LARGE1: variants seen among roughly 807,000 people sequenced by gnomAD.
The protein encoded by LARGE1 is LARGE xylosyl- and glucuronyltransferase 1.
In LARGE1, 43 loss-of-function variants were observed where a neutral mutation model predicts 87.6. The observed-to-expected ratio is 0.49, with a 90% CI of 0.38 to 0.63. LARGE1 has a LOEUF of 0.63. Ranked by LOEUF, LARGE1 falls within the 30% of genes least tolerant of loss-of-function variation. The pLI, the probability that LARGE1 is intolerant of heterozygous loss-of-function variation, is 0.00. For missense variants in LARGE1, 802 were observed against 1,000.2 expected (o/e 0.80, Z 2.67); for synonymous variants, 434 against 394.6 (o/e 1.10, Z -1.18).
chr22:33,540,365 T>C (rs1411999079), intron 6 of LARGE1, among the ~76,000 whole-genome samples: 2 of 152,160 alleles, frequency 1.3e-5, no homozygotes, highest in Non-Finnish European at 2.9e-5. Context: ...CTCGGCTGTG[T>C]GTGCTTGATC....
chr22:33,276,646 T>C (rs1331524677), intron 14 of LARGE1, among the ~76,000 whole-genome samples: 2 of 152,258 alleles, frequency 1.3e-5, no homozygotes, highest in Non-Finnish European at 2.9e-5. Flanking sequence ...ATGCATCTAT[T>C]AATCTTTTAG....
rs571639317 is a variant in LARGE1 at position 33,808,202 on chromosome 22, A to G, written c.-82-46644T>C. 5.3e-5 allele frequency among the ~76,000 whole-genome samples: 8 copies of G among 152,332 alleles called. No homozygotes were observed. In the South Asian group the frequency reaches 1.7e-3, roughly 32 times the overall value. ...GTTCCAGGTTTTGGCCATTCTAATA[A>G]GTGTGTAGCAGTACGTCACTGTTGT... On this transcript the variant is annotated intron_variant, in intron 1 of 14. Transcript: ENST00000397394.
At chr22:33,754,816 A>C (rs1420024033) in intron 2 of LARGE1, among the ~76,000 whole-genome samples, 1 of 152,194 alleles carries the variant, frequency 6.6e-6, no homozygotes. Context: ...CATAGCCTAG[A>C]CTTGGGGGAT....
At chr22:33,387,559 A>C (rs1601664680) in intron 7 of LARGE1, among the ~76,000 whole-genome samples, 1 of 151,116 alleles carries the variant, frequency 6.6e-6, no homozygotes, top group East Asian at 2.0e-4. Context: ...AGAAACAATG[A>C]TGAAATATAT....
At chr22:33,464,873 GCA>G (rs902943771) in intron 6 of LARGE1, among the ~76,000 whole-genome samples, 2 of 116,250 alleles carry the variant, frequency 1.7e-5, no homozygotes, top group Non-Finnish European at 3.3e-5. Context: ...CACACACACT[GCA>G]CACACATGCA....
intron 6 of LARGE1, among the ~76,000 whole-genome samples, chr22:33,517,207 C>A (rs908482999): frequency 6.6e-6 from 1 of 152,080 alleles, no homozygotes; most frequent in African/African-American, 2.4e-5. Flanking sequence ...CTCTGGATTA[C>A]TAAGAGAAGC....
At chr22:33,180,258 T>C (rs1158828848) in intron 11 of LARGE1, among the ~76,000 whole-genome samples, 1 of 152,200 alleles carries the variant, frequency 6.6e-6, no homozygotes, top group Non-Finnish European at 1.5e-5. Flanking sequence ...ATTTGAATGG[T>C]ATAAATTTGA....
chr22:33,800,581 A>G (rs780086595), intron 1 of LARGE1, among the ~76,000 whole-genome samples: 7 of 152,112 alleles, frequency 4.6e-5, no homozygotes, highest in South Asian at 2.1e-4. Flanking sequence ...CCTGGCAACC[A>G]CTGATCTTTT....
chr22:33,130,519 G>C, the LARGE1 span, among the ~76,000 whole-genome samples: 1 of 151,676 alleles, frequency 6.6e-6, no homozygotes, highest in Non-Finnish European at 1.5e-5. Context: ...AAAATTCTAA[G>C]TCCACTTGCT....
intron 2 of LARGE1, among the ~76,000 whole-genome samples, chr22:33,716,566 T>G (rs1569399599): frequency 6.6e-6 from 1 of 152,086 alleles, no homozygotes; most frequent in African/African-American, 2.4e-5. Context: ...CCAGCTAACT[T>G]ACATTATTTT....
chr22:33,669,074 G>A (rs968989991), intron 2 of LARGE1, among the ~76,000 whole-genome samples: 1 of 152,346 alleles, frequency 6.6e-6, no homozygotes, highest in East Asian at 1.9e-4. Context: ...CAGCAGAGTG[G>A]AGAAAAGGCT....
intron 3 of LARGE1, among the ~76,000 whole-genome samples, chr22:33,628,620 A>G (rs1158857031): frequency 6.6e-6 from 1 of 152,094 alleles, no homozygotes; most frequent in African/African-American, 2.4e-5. Context: ...CCCGCCTAGA[A>G]TAGATTCTTA....
intron 6 of LARGE1, among the ~76,000 whole-genome samples, chr22:33,438,072 C>T (rs1339441667): frequency 6.6e-6 from 1 of 152,068 alleles, no homozygotes; most frequent in Non-Finnish European, 1.5e-5. Context: ...CCTCTGCTAC[C>T]AGGTGACAGC....
intron 9 of LARGE1, among the ~76,000 whole-genome samples, chr22:33,379,510 T>C (rs1352405805): frequency 5.9e-5 from 9 of 152,112 alleles, no homozygotes; most frequent in Admixed American, 5.9e-4. Context: ...ACACCTATGT[T>C]TACTGCGGCA....
intron 4 of LARGE1, among the ~76,000 whole-genome samples, chr22:33,607,853 C>T (rs2148995384): frequency 6.6e-6 from 1 of 152,324 alleles, no homozygotes; most frequent in East Asian, 1.9e-4. Context: ...CCCCATGGGA[C>T]CCACTGCCTT....
At chr22:33,103,306 G>C in the LARGE1 span, among the ~76,000 whole-genome samples, 135 of 151,748 alleles carry the variant, frequency 8.9e-4, no homozygotes, top group African/African-American at 3.1e-3. Flanking sequence ...GGTGGCGGGC[G>C]CCTGTAGTCC....
At chr22:33,584,208 A>G (rs1201588162) in intron 5 of LARGE1, among the ~76,000 whole-genome samples, 1 of 152,232 alleles carries the variant, frequency 6.6e-6, no homozygotes, top group Non-Finnish European at 1.5e-5. Context: ...GGGAAAAAGT[A>G]TTCTCTTCTT....
intron 2 of LARGE1, among the ~76,000 whole-genome samples, chr22:33,752,384 G>C (rs1381647460): frequency 6.6e-6 from 1 of 151,856 alleles, no homozygotes; most frequent in Non-Finnish European, 1.5e-5. Flanking sequence ...TTGTTAAATT[G>C]GTATCCAAAA....
chr22:33,311,249 C>T (rs1253159529), intron 11 of LARGE1, among the ~76,000 whole-genome samples: 2 of 152,148 alleles, frequency 1.3e-5, no homozygotes, highest in Non-Finnish European at 2.9e-5. Context: ...CGTGAGCCAC[C>T]GCGCCCGGCC....
Sources: gnomAD v4.1 joint callset for allele counts (sites outside exome capture counted in the v4.1 genomes callset) on GRCh38, gnomAD v4.1.1 for gene constraint, MANE v1.5 for transcripts, NCBI Gene and HGNC (gene_info 2026-07-23, HGNC 2026-07-21) for gene names.